Variants in CPLX1 observed in about 807,000 individuals in gnomAD.
The protein encoded by CPLX1 is complexin 1, also known as complexin-1.
CPLX1 carries 6 observed loss-of-function variants against 15.6 expected under a neutral mutation model. The observed-to-expected ratio is 0.39, with a 90% CI of 0.21 to 0.76. The LOEUF (loss-of-function observed/expected upper bound fraction) is 0.76, where lower values mean the gene tolerates loss of function less well. Ranked by LOEUF, CPLX1 falls within the 30% of genes least tolerant of loss-of-function variation. The pLI, the probability that CPLX1 is intolerant of heterozygous loss-of-function variation, is 0.43. For synonymous variants in CPLX1, 91 were observed against 75.2 expected (o/e 1.21, Z -1.08); for missense variants, 242 against 188.6 (o/e 1.28, Z -1.66).
At chr4:805,910 T>C (rs1004091976) in intron 2 of CPLX1, among the ~76,000 whole-genome samples, 2 of 152,082 alleles carry the variant, frequency 1.3e-5, no homozygotes, top group Non-Finnish European at 2.9e-5. Flanking sequence ...GCCAAATTCA[T>C]TGAGACAGGA....
intron 3 of CPLX1, among the ~76,000 whole-genome samples, chr4:788,919 G>C (rs962136143): frequency 1.3e-5 from 2 of 152,242 alleles, no homozygotes; most frequent in African/African-American, 4.8e-5. Flanking sequence ...TGTGAGCAAA[G>C]GAACCTCCCA....
intron 2 of CPLX1, among the ~76,000 whole-genome samples, chr4:816,288 G>A (rs1046956409): frequency 3.5e-5 from 5 of 144,570 alleles, no homozygotes; most frequent in Non-Finnish European, 6.0e-5. Context: ...GTGCAGTCTC[G>A]GCTCACTGCA....
chr4:791,048 T>A (rs1746156885), intron 3 of CPLX1, among the ~76,000 whole-genome samples: 1 of 152,026 alleles, frequency 6.6e-6, no homozygotes, highest in African/African-American at 2.4e-5. Context: ...CCCTTCCTTC[T>A]CCTCCTGTCC....
At position 814,753 on chromosome 4, in the gene CPLX1, C is replaced by A. The variant is rs541858244; in HGVS notation, c.31+9739G>T. On this transcript the variant is annotated intron_variant, in intron 2 of 3. Coordinates refer to ENST00000304062, the MANE Select transcript of CPLX1 (RefSeq NM_006651.4). ...TCCCTGTGCCAGAGTGATGGCCAGG[C>A]AGGCAGAGCCTGTACATGGAGCAGA... Among the ~76,000 whole-genome samples, 18 of 152,360 alleles carry A rather than the reference C, an allele frequency of 1.2e-4. No homozygotes were observed. The East Asian group carries it at 3.5e-3, about 29-fold the overall frequency.
intron 3 of CPLX1, among the ~76,000 whole-genome samples, 199 bp downstream of exon 3, chr4:792,234 G>A (rs1469318333): frequency 6.6e-6 from 1 of 152,196 alleles, no homozygotes; most frequent in East Asian, 1.9e-4. Flanking sequence ...TCAGGAGCAG[G>A]AGGGGCTGGG....
chr4:799,288 G>T (rs953916479), intron 2 of CPLX1, among the ~76,000 whole-genome samples: 1 of 152,312 alleles, frequency 6.6e-6, no homozygotes, highest in East Asian at 1.9e-4. Context: ...CCTTTTCATC[G>T]GTCGCATTTC....
In CPLX1 at chr4:787,705, C is replaced by T. The variant is rs922888966; in HGVS notation, c.208-1007G>A. On this transcript the variant is annotated intron_variant, in intron 3 of 3. Coordinates refer to ENST00000304062, the MANE Select transcript of CPLX1 (RefSeq NM_006651.4). The stretch of plus-strand genomic sequence containing the variant: ...GTGTGGGATTTTGTTCTTCTGCCCT[C>T]CAGGCCTCTAAGTTTTTGTCAGGCC... 1.7e-5 allele frequency: 17 copies of T among 985,176 alleles called. No individual in the cohort carries two copies. In the African/African-American group the frequency reaches 2.6e-4, roughly 15 times the overall value. The allele number at this position is 985,176 out of a possible 1,614,324, so 61.0% of individuals were successfully genotyped here.
rs908174565 is a variant in CPLX1, at chr4:822,433, C to G, written c.31+2059G>C. Among the ~76,000 whole-genome samples, 13 of 152,212 alleles carry G rather than the reference C, an allele frequency of 8.5e-5. 1 individual carries two copies. The highest frequency in any genetic ancestry group is 1.9e-4 in the East Asian group (1 of 5,178). Reference sequence around the variant, plus strand: ...TCCCTCTTTCTCTCTCTCCCCTCTGCCTCTGTCTCTGACGTGCCGTCTCTG... The same window carrying G: ...TCCCTCTTTCTCTCTCTCCCCTCTGGCTCTGTCTCTGACGTGCCGTCTCTG... On this transcript the variant is annotated intron_variant, in intron 2 of 3. Transcript: ENST00000304062.
chr4:805,350 G>A (rs1746537892), intron 2 of CPLX1, among the ~76,000 whole-genome samples: 1 of 152,222 alleles, frequency 6.6e-6, no homozygotes, highest in Non-Finnish European at 1.5e-5. Flanking sequence ...GTGTTCCTTT[G>A]AAGCTCTCAT....
intron 2 of CPLX1, among the ~76,000 whole-genome samples, chr4:823,929 G>A (rs944763588): frequency 2.6e-5 from 4 of 152,222 alleles, no homozygotes; most frequent in African/African-American, 9.6e-5. Flanking sequence ...AAGCTGTTTC[G>A]GGCCTTTTCC....
chr4:795,924 C>T (rs1295908079), intron 2 of CPLX1, among the ~76,000 whole-genome samples: 2 of 152,102 alleles, frequency 1.3e-5, no homozygotes, highest in African/African-American at 4.8e-5. Context: ...CTGCAGACAT[C>T]GGGGAGGGTG....
intron 2 of CPLX1, among the ~76,000 whole-genome samples, chr4:797,420 C>T (rs1051394665): frequency 3.3e-5 from 5 of 152,278 alleles, no homozygotes; most frequent in Non-Finnish European, 7.4e-5. Flanking sequence ...CTCCACCTCA[C>T]GGGTTCAAGT....
chr4:800,319 A>G (rs976841575), intron 2 of CPLX1, among the ~76,000 whole-genome samples: 7 of 152,136 alleles, frequency 4.6e-5, no homozygotes, highest in Non-Finnish European at 1.0e-4. Flanking sequence ...CTGAGAGAAT[A>G]TATTTGCAAA....
Position 786,393 on chromosome 4 carries a change from G to A in CPLX1, c.*108C>T. On this transcript the variant is annotated 3_prime_UTR_variant, in exon 4 of 4. Transcript: ENST00000304062. ...GCGGGCAGGGCGGGCCTGGGGCTAT[G>A]GCTTATATCGGCGTGGGGGCTGCGC... 1.6e-6 allele frequency: 2 copies of A among 1,285,998 alleles called. No homozygotes were observed. Among genetic ancestry groups the A allele is most frequent in the South Asian group, 1.6e-5 (1 of 63,220 alleles). 79.7% of individuals were successfully genotyped at this position (1,285,998 alleles called of 1,614,324 possible). A position where few individuals can be genotyped will look rare whatever the true frequency, so the allele number is the denominator to read the frequency against.
chr4:824,532 T>C lies in CPLX1; in HGVS notation c.-10A>G. ...TCATCACAAACTCCATGGCGATTGCTCTGCTTCCACAGTGGCTCCTCCAGG... is the reference window on the plus strand; with the variant it reads ...TCATCACAAACTCCATGGCGATTGCCCTGCTTCCACAGTGGCTCCTCCAGG... On this transcript the variant is annotated 5_prime_UTR_variant, in exon 2 of 4. Coordinates refer to ENST00000304062, the MANE Select transcript of CPLX1 (RefSeq NM_006651.4). The C allele has an allele frequency of 6.2e-7, 1 of 1,612,798 alleles. No individual in the cohort carries two copies. The highest frequency in any genetic ancestry group is 1.1e-5 in the South Asian group (1 of 91,086).
In CPLX1 at chr4:786,425, C is replaced by G; in HGVS notation, c.*76G>C. 1.4e-6 allele frequency: 2 copies of G among 1,442,340 alleles called. No homozygotes were observed. The highest frequency in any genetic ancestry group is 1.4e-5 in the South Asian group (1 of 71,526). 89.3% of individuals were successfully genotyped at this position (1,442,340 alleles called of 1,614,324 possible). On this transcript the variant is annotated 3_prime_UTR_variant, in exon 4 of 4. Transcript: ENST00000304062. ...ATCGGCGTGGGGGCTGCGCTCTGCT[C>G]GTCCCTCAGGGGCCTCCGCGGAGGA...
chr4:796,286 G>A (rs986930237), intron 2 of CPLX1, among the ~76,000 whole-genome samples: 1 of 152,186 alleles, frequency 6.6e-6, no homozygotes, highest in Non-Finnish European at 1.5e-5. Flanking sequence ...CAGCCACCGA[G>A]TGTTCGTCAA....
intron 2 of CPLX1, among the ~76,000 whole-genome samples, chr4:793,951 A>C (rs567740549): frequency 1.3e-5 from 2 of 152,020 alleles, no homozygotes; most frequent in African/African-American, 4.8e-5. Flanking sequence ...TGTGCCCCCC[A>C]CCTCGTTTCT....
intron 2 of CPLX1, among the ~76,000 whole-genome samples, chr4:823,412 T>C (rs935063735): frequency 2.0e-5 from 3 of 152,190 alleles, no homozygotes; most frequent in Non-Finnish European, 4.4e-5. Context: ...CTGCCCTCTG[T>C]ACACCCTTGT....
Sources: gnomAD v4.1 joint callset for allele counts (sites outside exome capture counted in the v4.1 genomes callset) on GRCh38, gnomAD v4.1.1 for gene constraint, MANE v1.5 for transcripts, NCBI Gene and HGNC (gene_info 2026-07-23, HGNC 2026-07-21) for gene names.